The following AFAP1 variants were observed in gnomAD, a reference collection of about 807,000 sequenced individuals.
AFAP1 encodes actin filament associated protein 1, also known as actin filament-associated protein 1.
In AFAP1, 75 loss-of-function variants were observed where a neutral mutation model predicts 93.9. The observed-to-expected ratio is 0.80, with a 90% CI of 0.66 to 0.97. AFAP1 has a LOEUF of 0.97. AFAP1 is among the 50% of genes least tolerant of loss of function. AFAP1 has a pLI of 0.00. For synonymous variants in AFAP1, 517 were observed against 430.7 expected, an observed-to-expected ratio of 1.20 and a Z score of -2.48; for missense variants, 1,201 against 1,050.8, an observed-to-expected ratio of 1.14 and a Z score of -1.98.
chr4:7,857,428 G>A (rs911150569), intron 3 of AFAP1, among the ~76,000 whole-genome samples: 1 of 152,154 alleles, frequency 6.6e-6, no homozygotes, highest in Non-Finnish European at 1.5e-5. Flanking sequence ...GGGACTTACA[G>A]AGAGTTACCT....
chr4:7,930,131 CAA>C (rs986335850), intron 1 of AFAP1, among the ~76,000 whole-genome samples: 1 of 152,190 alleles, frequency 6.6e-6, no homozygotes, highest in Non-Finnish European at 1.5e-5. Flanking sequence ...AGGTGACACA[CAA>C]AGTGCTTGGC....
intron 4 of AFAP1, among the ~76,000 whole-genome samples, chr4:7,845,593 C>A (rs1052141900): frequency 3.3e-5 from 5 of 151,974 alleles, no homozygotes; most frequent in African/African-American, 4.8e-5. Flanking sequence ...AGGTGAGAGG[C>A]GAACAGAACA....
At chr4:7,775,425 A>G (rs1275135378) in intron 14 of AFAP1, 2 of 152,742 alleles carry the variant, frequency 1.3e-5, no homozygotes, top group African/African-American at 4.8e-5. Flanking sequence ...AACATTCTAT[A>G]ATCGGAAAAG....
chr4:7,772,389 T>G (rs369168290), intron 16 of AFAP1: 1 of 155,968 alleles, frequency 6.4e-6, no homozygotes, highest in African/African-American at 2.4e-5. Flanking sequence ...GACCCCACTT[T>G]GTTCTGTTTG....
At chr4:7,933,849 G>C (rs1036729665) in intron 1 of AFAP1, among the ~76,000 whole-genome samples, 4 of 152,190 alleles carry the variant, frequency 2.6e-5, no homozygotes, top group African/African-American at 9.7e-5. Flanking sequence ...AGCCCACATG[G>C]TGATTTTTGC....
At chr4:7,801,135 T>C (rs184399564) in intron 9 of AFAP1, among the ~76,000 whole-genome samples, 266 of 152,254 alleles carry the variant, frequency 1.7e-3, no homozygotes, top group African/African-American at 6.1e-3. Context: ...TATCTAAAAA[T>C]GAAAACTTTC....
intron 6 of AFAP1, among the ~76,000 whole-genome samples, chr4:7,828,617 T>C (rs1721637248): frequency 6.6e-6 from 1 of 152,184 alleles, no homozygotes; most frequent in Non-Finnish European, 1.5e-5. Context: ...AAAGCAACAG[T>C]GGTAAGAGCA....
chr4:7,769,581 T>C (rs933125377), intron 16 of AFAP1, among the ~76,000 whole-genome samples: 1 of 151,850 alleles, frequency 6.6e-6, no homozygotes, highest in Non-Finnish European at 1.5e-5. Context: ...TAGAACAACA[T>C]GTGTCCTGAG....
At chr4:7,877,117 G>T (rs919292836) in intron 1 of AFAP1, among the ~76,000 whole-genome samples, 112 of 152,202 alleles carry the variant, frequency 7.4e-4, no homozygotes, top group African/African-American at 2.1e-3. Flanking sequence ...TTTTTGTGGG[G>T]TTTTTTTCCC....
At chr4:7,858,555 A>C (rs1715332368) in intron 3 of AFAP1, among the ~76,000 whole-genome samples, 1 of 152,184 alleles carries the variant, frequency 6.6e-6, no homozygotes, top group Non-Finnish European at 1.5e-5. Flanking sequence ...CTTTCCAATA[A>C]GAATTCACTG....
At chr4:7,773,149 C>A (rs1460673954) in intron 15 of AFAP1, 139 bp from the exon 16 acceptor site, 18 of 1,344,100 alleles carry the variant, frequency 1.3e-5, no homozygotes, top group Non-Finnish European at 5.9e-6. Context: ...CGTTGTGAAA[C>A]TTAAATTCAG....
At chr4:7,921,201 T>TTTTTTTA (rs1720426462) in intron 1 of AFAP1, among the ~76,000 whole-genome samples, 1 of 133,674 alleles carries the variant, frequency 7.5e-6, no homozygotes, top group East Asian at 2.0e-4. Context: ...TTTTTTTTTT[T>TTTTTTTA]GAGATGGAGT....
rs1202255107 is a variant in AFAP1 at position 7,890,143 on chromosome 4, C to T, written c.-2-18063G>A. On this transcript the variant is annotated intron_variant, in intron 1 of 17. Coordinates refer to ENST00000420658, the MANE Select transcript of AFAP1 (RefSeq NM_001134647.2). ...ACACTTCTATTACCTAGCTTCAAGG[C>T]TTACAATAAAGCTACAATTATCAAT... is the stretch of plus-strand genomic sequence containing the variant. 5.3e-5 allele frequency among the ~76,000 whole-genome samples: 8 copies of T among 152,058 alleles called. No homozygotes were observed. The East Asian group carries it at 9.6e-4, about 18-fold the overall frequency.
chr4:7,876,497 G>A (rs1207198886), intron 1 of AFAP1, among the ~76,000 whole-genome samples: 1 of 152,178 alleles, frequency 6.6e-6, no homozygotes, highest in African/African-American at 2.4e-5. Flanking sequence ...TAGAAATGCA[G>A]CAACCAGGGC....
At chr4:7,869,847 GACAC>G (rs35546648) in intron 2 of AFAP1, among the ~76,000 whole-genome samples, 2 of 151,526 alleles carry the variant, frequency 1.3e-5, no homozygotes, top group African/African-American at 4.8e-5. Context: ...AAGGATAAAT[GACAC>G]ACACACACAC....
chr4:7,794,975 G>C (rs1718254456), intron 10 of AFAP1, among the ~76,000 whole-genome samples: 1 of 151,994 alleles, frequency 6.6e-6, no homozygotes. Flanking sequence ...ACTGAATGTT[G>C]AAGAAAAAAA....
intron 4 of AFAP1, among the ~76,000 whole-genome samples, chr4:7,844,862 C>T (rs1269625950): frequency 1.3e-5 from 2 of 152,178 alleles, no homozygotes; most frequent in African/African-American, 2.4e-5. Context: ...ATCTGGAACA[C>T]GTTTCTTTTT....
intron 3 of AFAP1, among the ~76,000 whole-genome samples, chr4:7,868,005 C>A (rs114299003): frequency 6.6e-6 from 1 of 151,108 alleles, no homozygotes; most frequent in Admixed American, 6.6e-5. Flanking sequence ...CTGAATTCCT[C>A]GAGTAAACAA....
rs185613154 is a variant in AFAP1 at position 7,852,641 on chromosome 4, C to T, written c.334+2825G>A. On this transcript the variant is annotated intron_variant, in intron 4 of 17. Coordinates refer to ENST00000420658, the MANE Select transcript of AFAP1 (RefSeq NM_001134647.2). ...TGAATCACCCACCAAGAAAAAACCA[C>T]GACCAACCAAGGGGTTTGCTGGGGG... Among the ~76,000 whole-genome samples, 578 of 152,202 alleles carry T rather than the reference C, an allele frequency of 3.8e-3. 4 individuals are homozygous for T. Among genetic ancestry groups the T allele is most frequent in the South Asian group, 4.2e-3 (20 of 4,788 alleles).
Sources: gnomAD v4.1 joint callset for allele counts (sites outside exome capture counted in the v4.1 genomes callset) on GRCh38, gnomAD v4.1.1 for gene constraint, MANE v1.5 for transcripts, NCBI Gene and HGNC (gene_info 2026-07-23, HGNC 2026-07-21) for gene names.